PBX1: variants seen among roughly 807,000 people sequenced by gnomAD.
PBX1 encodes PBX homeobox 1.
A neutral mutation model predicts 53.4 loss-of-function variants in PBX1; 6 were observed. That is an observed-to-expected ratio of 0.11 (90% CI 0.06 to 0.22). The LOEUF is 0.22. PBX1 is among the 10% of genes least tolerant of loss of function. The pLI, the probability that PBX1 is intolerant of heterozygous loss-of-function variation, is 1.00. For missense variants in PBX1, 251 were observed against 551.4 expected (o/e 0.46, Z 5.46); for synonymous variants, 204 against 212.3 (o/e 0.96, Z 0.34).
chr1:164,745,866 T>C (rs901706660), intron 2 of PBX1, among the ~76,000 whole-genome samples: 1 of 152,170 alleles, frequency 6.6e-6, no homozygotes, highest in African/African-American at 2.4e-5. Flanking sequence ...CTGAGTTCCA[T>C]TCTCCAAATA....
chr1:164,831,505 C>G (rs1489295496), intron 8 of PBX1: 1 of 152,276 alleles, frequency 6.6e-6, no homozygotes, highest in Non-Finnish European at 1.5e-5. Flanking sequence ...TCTTCTGCCT[C>G]AGCCTCCCAA....
intron 2 of PBX1, among the ~76,000 whole-genome samples, chr1:164,598,795 C>G (rs1655945321): frequency 6.6e-6 from 1 of 152,206 alleles, no homozygotes; most frequent in South Asian, 2.1e-4. Context: ...GACATTGTGT[C>G]ATACCTCGGA....
chr1:164,767,775 C>T (rs1206790734), intron 2 of PBX1, among the ~76,000 whole-genome samples: 3 of 152,086 alleles, frequency 2.0e-5, no homozygotes, highest in Admixed American at 1.3e-4. Flanking sequence ...GTCCCAGTAC[C>T]TTCCACATAT....
chr1:164,615,861 C>G (rs1657242025), intron 2 of PBX1, among the ~76,000 whole-genome samples: 2 of 152,118 alleles, frequency 1.3e-5, no homozygotes, highest in Non-Finnish European at 2.9e-5. Flanking sequence ...TGTGAATGAC[C>G]ACAAACCCTC....
intron 4 of PBX1, among the ~76,000 whole-genome samples, chr1:164,800,601 G>A (rs989762832): frequency 2.6e-5 from 4 of 152,174 alleles, no homozygotes; most frequent in Non-Finnish European, 4.4e-5. Flanking sequence ...TCTCTAGACC[G>A]GTAGATTTAT....
At chr1:164,845,368 G>T (rs1309026317) in intron 8 of PBX1, among the ~76,000 whole-genome samples, 1 of 152,018 alleles carries the variant, frequency 6.6e-6, no homozygotes, top group East Asian at 1.9e-4. Context: ...GAGTTGAAGT[G>T]GTGCTCCCTC....
At chr1:164,656,467 C>G (rs1398203855) in intron 2 of PBX1, among the ~76,000 whole-genome samples, 5 of 152,118 alleles carry the variant, frequency 3.3e-5, no homozygotes, top group Admixed American at 3.3e-4. Flanking sequence ...AAGAATTCAT[C>G]TCATTTGAGT....
At chr1:164,862,494 G>T (rs1360790302) in intron 2 of PBX1, among the ~76,000 whole-genome samples, 2 of 152,186 alleles carry the variant, frequency 1.3e-5, no homozygotes, top group East Asian at 3.9e-4. Context: ...TTGATACTAA[G>T]TGGGAATAAA....
chr1:164,812,062 A>G lies in PBX1; in HGVS notation c.910A>G (p.Ile304Val). ...AGGTAAATTTCAAGAGGAAGCCAAT[A>G]TTTATGCTGCCAAAACAGCTGTCAC... is the stretch of plus-strand genomic sequence containing the variant. ...NIGKFQEEANIYAAKTAVTAT... is the reference protein window; with the variant it reads ...NIGKFQEEANVYAAKTAVTAT... Residue 304 changes from isoleucine to valine, a missense_variant, in exon 6 of 9, where the codon ATT becomes GTT. Around this residue, in one of 4 missense-constraint regions of PBX1, gnomAD observed 20 missense variants for 144.8 expected, o/e 0.14. Coordinates refer to ENST00000420696, the MANE Select transcript of PBX1 (RefSeq NM_002585.4). 6.2e-7 allele frequency: 1 copy of G among 1,613,990 alleles called. No individual in the cohort carries two copies. Among genetic ancestry groups the G allele is most frequent in the Non-Finnish European group, 8.5e-7 (1 of 1,179,938 alleles).
At chr1:164,584,978 A>G (rs1294741592) in intron 2 of PBX1, among the ~76,000 whole-genome samples, 4 of 152,188 alleles carry the variant, frequency 2.6e-5, no homozygotes, top group African/African-American at 9.7e-5. Flanking sequence ...GAACCAAAAT[A>G]CTAGAAAAGG....
chr1:164,657,587 C>T (rs948091836), intron 2 of PBX1, among the ~76,000 whole-genome samples: 7 of 152,168 alleles, frequency 4.6e-5, no homozygotes, highest in Non-Finnish European at 8.8e-5. Flanking sequence ...AGGCTAATAA[C>T]AACTTAGTTG....
intron 2 of PBX1, among the ~76,000 whole-genome samples, chr1:164,720,092 GA>G (rs773760693): frequency 2.0e-5 from 3 of 152,120 alleles, no homozygotes; most frequent in Non-Finnish European, 2.9e-5. Context: ...AATTTGTATC[GA>G]ATGCAAAATG....
intron 5 of PBX1, 94 bp downstream of exon 5, chr1:164,807,771 G>A: frequency 7.2e-7 from 1 of 1,390,910 alleles, no homozygotes; most frequent in South Asian, 1.4e-5. Context: ...GGACATTCAT[G>A]CCTTGCAAGT....
intron 2 of PBX1, among the ~76,000 whole-genome samples, chr1:164,608,560 G>A (rs1260833030): frequency 6.6e-6 from 1 of 152,192 alleles, no homozygotes; most frequent in Non-Finnish European, 1.5e-5. Context: ...AAGAGAGATA[G>A]GCCATATGTT....
chr1:164,717,413 C>A (rs1261067103), intron 2 of PBX1, among the ~76,000 whole-genome samples: 2 of 152,118 alleles, frequency 1.3e-5, no homozygotes, highest in Admixed American at 1.3e-4. Flanking sequence ...GCAAATGCAA[C>A]CATATTGGGA....
intron 2 of PBX1, among the ~76,000 whole-genome samples, chr1:164,690,894 T>G (rs2102022247): frequency 6.6e-6 from 1 of 152,198 alleles, no homozygotes; most frequent in Admixed American, 6.5e-5. Context: ...CTTGGCTGCA[T>G]TACAGTTTGA....
intron 2 of PBX1, among the ~76,000 whole-genome samples, chr1:164,572,529 G>T (rs1653949528): frequency 6.6e-6 from 1 of 152,122 alleles, no homozygotes; most frequent in Admixed American, 6.6e-5. Context: ...CAGATGTCAG[G>T]TTCCTGGAGA....
At chr1:164,679,280 T>G (rs981024470) in intron 2 of PBX1, among the ~76,000 whole-genome samples, 5 of 152,170 alleles carry the variant, frequency 3.3e-5, no homozygotes, top group Admixed American at 3.3e-4. Flanking sequence ...CCTTGCCAAA[T>G]TCTGCACTTT....
intron 2 of PBX1, among the ~76,000 whole-genome samples, chr1:164,609,446 A>G (rs924342061): frequency 6.6e-6 from 1 of 152,146 alleles, no homozygotes; most frequent in Non-Finnish European, 1.5e-5. Context: ...TAACAGTCTG[A>G]AAAATGTGTA....
Sources: allele counts gnomAD v4.1 joint callset (sites outside exome capture counted in the v4.1 genomes callset), GRCh38; gene constraint gnomAD v4.1.1; regional missense constraint gnomAD v4.1.1; transcripts MANE v1.5; gene names NCBI Gene and HGNC (gene_info 2026-07-23, HGNC 2026-07-21).